Variants in EEFSEC observed in about 807,000 individuals in gnomAD.
EEFSEC encodes the protein selenocysteine-specific elongation factor.
Under a neutral mutation model 42.1 loss-of-function variants are expected in EEFSEC, and 43 were observed. The observed-to-expected ratio is 1.02, with a 90% CI of 0.80 to 1.32. The LOEUF (loss-of-function observed/expected upper bound fraction) is 1.32, where lower values mean the gene tolerates loss of function less well. Among genes scored for constraint, EEFSEC ranks in the 40% most tolerant of loss-of-function variants. The probability of loss-of-function intolerance (pLI) is 0.00; values close to 1 mark genes in which losing one functional copy is unlikely to be tolerated. For synonymous variants in EEFSEC, 354 were observed against 339.1 expected (o/e 1.04, Z -0.48); for missense variants, 745 against 803.6 (o/e 0.93, Z 0.88).
chr3:128,172,817 T>A (rs1310539970), intron 1 of EEFSEC, among the ~76,000 whole-genome samples: 1 of 152,208 alleles, frequency 6.6e-6, no homozygotes, highest in Non-Finnish European at 1.5e-5. Flanking sequence ...GCAATCTAGA[T>A]GGGAGGTGCC....
chr3:128,295,168 C>T (rs1408911844), intron 4 of EEFSEC, among the ~76,000 whole-genome samples: 4 of 152,184 alleles, frequency 2.6e-5, no homozygotes, highest in Admixed American at 6.5e-5. Context: ...ATTCCAGGCA[C>T]CCCCAAAATG....
At chr3:128,311,228 A>G (rs143677218) in intron 4 of EEFSEC, among the ~76,000 whole-genome samples, 37 of 152,276 alleles carry the variant, frequency 2.4e-4, no homozygotes, top group South Asian at 8.3e-4. Context: ...CCTTTCTGCA[A>G]TTTTCAACTG....
the EEFSEC span, among the ~76,000 whole-genome samples, chr3:128,415,862 A>C: frequency 6.6e-6 from 1 of 152,162 alleles, no homozygotes; most frequent in Non-Finnish European, 1.5e-5. Context: ...TTCCTCACAG[A>C]GGGGAAACTG....
At chr3:128,419,071 G>T in the EEFSEC span, among the ~76,000 whole-genome samples, 2 of 152,238 alleles carry the variant, frequency 1.3e-5, no homozygotes, top group Non-Finnish European at 2.9e-5. Context: ...TCAAGTGTTG[G>T]TGAAGAGTGA....
At chr3:128,207,319 T>C (rs1000557234) in intron 1 of EEFSEC, among the ~76,000 whole-genome samples, 6 of 145,040 alleles carry the variant, frequency 4.1e-5, no homozygotes, top group Non-Finnish European at 7.6e-5. Flanking sequence ...CAGTTTCCCT[T>C]GGCTCTGTGA....
chr3:128,353,241 C>G (rs2067410339), intron 5 of EEFSEC, among the ~76,000 whole-genome samples: 1 of 152,164 alleles, frequency 6.6e-6, no homozygotes. Flanking sequence ...AAAGACTTTA[C>G]TGGAAATTGA....
At chr3:128,323,781 G>T (rs2067033573) in intron 4 of EEFSEC, among the ~76,000 whole-genome samples, 1 of 152,194 alleles carries the variant, frequency 6.6e-6, no homozygotes, top group Non-Finnish European at 1.5e-5. Flanking sequence ...CATGACCCTG[G>T]AAAATCACTT....
At chr3:128,202,184 A>G (rs1054407605) in intron 1 of EEFSEC, among the ~76,000 whole-genome samples, 2 of 152,214 alleles carry the variant, frequency 1.3e-5, no homozygotes, top group Non-Finnish European at 2.9e-5. Flanking sequence ...TTGTAGTTCC[A>G]TATAAATTTT....
At chr3:128,202,972 T>C (rs2065657829) in intron 1 of EEFSEC, among the ~76,000 whole-genome samples, 2 of 152,216 alleles carry the variant, frequency 1.3e-5, no homozygotes, top group Non-Finnish European at 1.5e-5. Context: ...TTTTTTTGAA[T>C]ATTAAACATA....
chr3:128,365,288 A>G (rs1390686098), intron 6 of EEFSEC, among the ~76,000 whole-genome samples: 1 of 152,150 alleles, frequency 6.6e-6, no homozygotes. Context: ...TCCTCTGTGA[A>G]CCACTCTCTG....
intron 1 of EEFSEC, among the ~76,000 whole-genome samples, chr3:128,185,276 G>T (rs999457419): frequency 6.6e-6 from 1 of 151,860 alleles, no homozygotes; most frequent in Non-Finnish European, 1.5e-5. Context: ...TTATCTTTTG[G>T]GGGGATAATT....
chr3:128,332,847 A>T (rs2067148886), intron 4 of EEFSEC, among the ~76,000 whole-genome samples: 1 of 152,222 alleles, frequency 6.6e-6, no homozygotes, highest in African/African-American at 2.4e-5. Flanking sequence ...AGGCGGGGGA[A>T]AATGTCTTAT....
intron 1 of EEFSEC, 132 bp downstream of exon 1, chr3:128,153,955 C>T: frequency 7.6e-7 from 1 of 1,311,926 alleles, no homozygotes; most frequent in Non-Finnish European, 9.9e-7. Context: ...CCTGACGCCC[C>T]AAGAGGCGGA....
At position 128,358,212 on chromosome 3, in the gene EEFSEC, G is replaced by T; in HGVS notation, c.1444-5G>T. 1 of 1,613,564 alleles carries T rather than the reference G, an allele frequency of 6.2e-7. No homozygotes were observed. The highest frequency in any genetic ancestry group is 1.1e-5 in the South Asian group (1 of 91,010). Reference sequence around the variant, plus strand: ...CTCTCTCTGTGGCTGGGTGTGTGGGGACAGGCGATGGATGACTACAGTGTG... The same window carrying T: ...CTCTCTCTGTGGCTGGGTGTGTGGGTACAGGCGATGGATGACTACAGTGTG... On this transcript the variant is annotated splice_region_variant and splice_polypyrimidine_tract_variant and intron_variant, in intron 5 of 6. Transcript: ENST00000254730.
intron 4 of EEFSEC, among the ~76,000 whole-genome samples, chr3:128,332,228 C>T (rs1300678318): frequency 6.6e-6 from 1 of 152,200 alleles, no homozygotes; most frequent in East Asian, 1.9e-4. Context: ...GAATAGATGT[C>T]ACCAATATAT....
At chr3:128,383,498 C>T (rs1196494570) in intron 6 of EEFSEC, among the ~76,000 whole-genome samples, 5 of 152,224 alleles carry the variant, frequency 3.3e-5, no homozygotes, top group Non-Finnish European at 7.3e-5. Flanking sequence ...GAGACTAAGG[C>T]GCAGAGAGGT....
At position 128,400,864 on chromosome 3, in the gene EEFSEC, C is replaced by T. The variant is rs114211650; in HGVS notation, c.1601-7205C>T. Among the ~76,000 whole-genome samples the T allele has an allele frequency of 3.3e-3, 505 of 152,326 alleles. 1 individual carries two copies. The highest frequency in any genetic ancestry group is 0.011 in the African/African-American group (467 of 41,570). On this transcript the variant is annotated intron_variant, in intron 6 of 6. Coordinates refer to ENST00000254730, the MANE Select transcript of EEFSEC (RefSeq NM_021937.5). ...AGCCAGGACCCGGCAGCCTGCAGCC[C>T]ATTGTGCCTTTGTGTGGAGCTGGCG...
chr3:128,280,752 T>C (rs1023924365), intron 4 of EEFSEC, among the ~76,000 whole-genome samples: 2 of 152,192 alleles, frequency 1.3e-5, no homozygotes, highest in African/African-American at 4.8e-5. Context: ...TTGGGGAAGC[T>C]CTGGGCACCA....
At chr3:128,379,781 C>G (rs1372073713) in intron 6 of EEFSEC, among the ~76,000 whole-genome samples, 2 of 152,210 alleles carry the variant, frequency 1.3e-5, no homozygotes, top group Non-Finnish European at 2.9e-5. Context: ...TTCGTGGGGT[C>G]ACAGAGCTTT....
Sources: gnomAD v4.1 joint callset for allele counts (sites outside exome capture counted in the v4.1 genomes callset) on GRCh38, gnomAD v4.1.1 for gene constraint, MANE v1.5 for transcripts, NCBI Gene and HGNC (gene_info 2026-07-23, HGNC 2026-07-21) for gene names.